The following DGKI variants were observed in gnomAD, a reference collection of about 807,000 sequenced individuals.
DGKI encodes the protein diacylglycerol kinase iota.
A neutral mutation model predicts 147.5 loss-of-function variants in DGKI; 55 were observed. The ratio of observed to expected loss-of-function variants is 0.37; its 90% CI spans 0.30 to 0.47. The LOEUF (loss-of-function observed/expected upper bound fraction) is 0.47, where lower values mean the gene tolerates loss of function less well. Ranked by LOEUF, DGKI falls within the 20% of genes least tolerant of loss-of-function variation. The pLI is 1.00. For synonymous variants in DGKI, 469 were observed against 477.1 expected (o/e 0.98, Z 0.22); for missense variants, 1,007 against 1,323.8 (o/e 0.76, Z 3.71).
chr7:137,638,370 T>C (rs1000568086), intron 6 of DGKI, among the ~76,000 whole-genome samples: 1 of 146,690 alleles, frequency 6.8e-6, no homozygotes, highest in African/African-American at 2.5e-5. Flanking sequence ...CCAATGCTTC[T>C]TTTTTTTTCT....
intron 21 of DGKI, among the ~76,000 whole-genome samples, chr7:137,499,327 C>T (rs796284669): frequency 6.4e-4 from 98 of 152,208 alleles, no homozygotes; most frequent in African/African-American, 2.1e-3. Context: ...ATTGTATATA[C>T]GCACTGTGAT....
At chr7:137,524,552 A>G in intron 20 of DGKI, among the ~76,000 whole-genome samples, 1 of 152,192 alleles carries the variant, frequency 6.6e-6, no homozygotes. Flanking sequence ...TGTTCACATT[A>G]GATTTTTATC....
Position 137,388,996 on chromosome 7 carries a change from AAACAGAGTTCTTCATCCC to A in DGKI, c.*2206_*2223del, listed in dbSNP as rs1811265761. ...AGAAATGTGAGATGGTAGTTGATGAAAACAGAGTTCTTCATCCCAACAGTAACAGCTAGATAACTGACT... is the reference window on the plus strand; with the variant it reads ...AGAAATGTGAGATGGTAGTTGATGAAAACAGTAACAGCTAGATAACTGACT... On this transcript the variant is annotated 3_prime_UTR_variant, in exon 33 of 33. Coordinates refer to ENST00000614521, the MANE Select transcript of DGKI (RefSeq NM_001321708.2). The A allele has an allele frequency of 6.6e-6, 1 of 152,172 alleles. No individual in the cohort carries two copies. The highest frequency in any genetic ancestry group is 6.6e-5 in the Admixed American group (1 of 15,254). The allele number at this position is 152,172 out of a possible 1,614,324, so 9.4% of individuals were successfully genotyped here.
At chr7:137,777,975 A>T (rs2116876697) in intron 1 of DGKI, among the ~76,000 whole-genome samples, 1 of 152,318 alleles carries the variant, frequency 6.6e-6, no homozygotes, top group Admixed American at 6.5e-5. Context: ...TATTTCCTCA[A>T]CAAGAATACT....
chr7:137,700,381 G>T (rs547034046), intron 1 of DGKI, among the ~76,000 whole-genome samples: 1 of 152,304 alleles, frequency 6.6e-6, no homozygotes, highest in Non-Finnish European at 1.5e-5. Context: ...ACAGATGAAT[G>T]GTTGTCTTGG....
chr7:137,805,294 A>G (rs1410554161), intron 1 of DGKI, among the ~76,000 whole-genome samples: 1 of 152,210 alleles, frequency 6.6e-6, no homozygotes, highest in African/African-American at 2.4e-5. Flanking sequence ...ATTGAGCATG[A>G]CAGTGTTCTC....
At chr7:137,444,051 G>T in intron 28 of DGKI, 26 bp downstream of exon 28, 1 of 1,548,488 alleles carries the variant, frequency 6.5e-7, no homozygotes, top group South Asian at 1.2e-5. Flanking sequence ...TCCTGAATTG[G>T]TATAAATAAG....
chr7:137,528,814 T>G (rs1341860190), intron 20 of DGKI, among the ~76,000 whole-genome samples: 1 of 152,198 alleles, frequency 6.6e-6, no homozygotes, highest in Non-Finnish European at 1.5e-5. Context: ...TGGCTTAGTC[T>G]TTGTTCAGGC....
At chr7:137,511,986 T>C (rs1231697561) in intron 21 of DGKI, among the ~76,000 whole-genome samples, 10 of 152,146 alleles carry the variant, frequency 6.6e-5, no homozygotes, top group African/African-American at 1.9e-4. Flanking sequence ...AAGTTCAACA[T>C]CTCCCTCTTC....
chr7:137,443,092 A>G (rs570449445), intron 28 of DGKI, among the ~76,000 whole-genome samples: 1 of 152,214 alleles, frequency 6.6e-6, no homozygotes, highest in African/African-American at 2.4e-5. Context: ...GTATTGTCAC[A>G]TGGCTGGAAA....
intron 6 of DGKI, among the ~76,000 whole-genome samples, chr7:137,643,479 TGGCAA>T (rs1272146458): frequency 6.6e-6 from 1 of 152,182 alleles, no homozygotes; most frequent in Non-Finnish European, 1.5e-5. Flanking sequence ...ATTTATTATG[TGGCAA>T]GGAGACAATC....
At chr7:137,646,040 A>AGAG (rs1420600357) in intron 5 of DGKI, among the ~76,000 whole-genome samples, 2 of 152,226 alleles carry the variant, frequency 1.3e-5, no homozygotes, top group Non-Finnish European at 2.9e-5. Context: ...TGAACACAGT[A>AGAG]GAGGACCTTG....
At position 137,463,608 on chromosome 7, in the gene DGKI, G is replaced by C. The variant is rs552683698; in HGVS notation, c.2616C>G (p.Ile872Met). ...GCAGGGCAGGATTCCACCAGTCTGA[G>C]ATCCTGAGAGAAAGAAGGGCACCAG... ...PDLVVEQASGISDWWNPALRK... is the reference protein window; with the variant it reads ...PDLVVEQASGMSDWWNPALRK... The change falls in exon 27 of 33, where the codon ATC becomes ATG. Residue 872 changes from isoleucine (I) to methionine (M), a missense_variant. Physicochemically the swap from Ile to Met is conservative, Grantham distance 10. This residue lies in a region of DGKI where 385 missense variants were observed against 445.2 expected (regional missense o/e 0.86). Transcript: ENST00000614521. 1.2e-6 allele frequency: 2 copies of C among 1,614,058 alleles called. No individual in the cohort carries two copies. Among genetic ancestry groups the C allele is most frequent in the Admixed American group, 1.7e-5 (1 of 60,002 alleles).
chr7:137,413,266 A>C (rs1281564393), intron 28 of DGKI, among the ~76,000 whole-genome samples: 1 of 18,668 alleles, frequency 5.4e-5, no homozygotes, highest in Non-Finnish European at 1.2e-4. Context: ...ACTCCATCTC[A>C]AAAAAAAAAA....
At position 137,750,281 on chromosome 7, in the gene DGKI, A is replaced by G. The variant is rs1795457888; in HGVS notation, c.402-60279T>C. Among the ~76,000 whole-genome samples the G allele has an allele frequency of 2.0e-5, 3 of 152,304 alleles. No individual in the cohort carries two copies. The South Asian group carries it at 6.2e-4, about 32-fold the overall frequency. On this transcript the variant is annotated intron_variant, in intron 1 of 32. Transcript: ENST00000614521. ...GTAGGTAGTGCTGAGGCCTAGATGCAGGTCTTCCTACTCCTGGTTCAGTGC... is the reference window on the plus strand; with the variant it reads ...GTAGGTAGTGCTGAGGCCTAGATGCGGGTCTTCCTACTCCTGGTTCAGTGC...
intron 1 of DGKI, among the ~76,000 whole-genome samples, chr7:137,778,769 T>C (rs1395572029): frequency 6.6e-6 from 1 of 152,186 alleles, no homozygotes; most frequent in Non-Finnish European, 1.5e-5. Context: ...AAGCCTCAGT[T>C]TCCTTACTTG....
At chr7:137,501,918 G>A (rs543619444) in intron 21 of DGKI, among the ~76,000 whole-genome samples, 11 of 152,086 alleles carry the variant, frequency 7.2e-5, no homozygotes, top group Non-Finnish European at 1.6e-4. Context: ...GAATCATGGG[G>A]GCAGGTCTTT....
intron 28 of DGKI, among the ~76,000 whole-genome samples, chr7:137,435,613 G>T (rs1813250901): frequency 6.6e-6 from 1 of 152,080 alleles, no homozygotes; most frequent in Admixed American, 6.5e-5. Context: ...TTACAACGGG[G>T]ATTCTATAGG....
intron 21 of DGKI, among the ~76,000 whole-genome samples, chr7:137,507,831 G>A (rs1359648569): frequency 6.6e-6 from 1 of 152,094 alleles, no homozygotes; most frequent in Non-Finnish European, 1.5e-5. Context: ...TGTACTCCAC[G>A]TGTTTAGAAT....
Sources: allele counts gnomAD v4.1 joint callset (sites outside exome capture counted in the v4.1 genomes callset), GRCh38; gene constraint gnomAD v4.1.1; regional missense constraint gnomAD v4.1.1; transcripts MANE v1.5; gene names NCBI Gene and HGNC (gene_info 2026-07-23, HGNC 2026-07-21).